Variants in CLEC16A observed in about 807,000 individuals in gnomAD.
The protein encoded by CLEC16A is protein CLEC16A.
A neutral mutation model predicts 109.5 loss-of-function variants in CLEC16A; 51 were observed. The observed-to-expected ratio is 0.47, with a 90% CI of 0.37 to 0.59. The LOEUF is 0.59. CLEC16A is among the 20% of genes least tolerant of loss of function. The pLI is 0.00. For missense variants in CLEC16A, 1,339 were observed against 1,394.0 expected (o/e 0.96, Z 0.63); for synonymous variants, 673 against 564.2 (o/e 1.19, Z -2.73).
intron 3 of CLEC16A, among the ~76,000 whole-genome samples, chr16:10,963,981 C>T (rs2042379459): frequency 6.6e-6 from 1 of 152,224 alleles, no homozygotes; most frequent in African/African-American, 2.4e-5. Context: ...AGACTGCTAG[C>T]TTTGTTATTC....
chr16:11,119,830 C>T (rs145552807), intron 19 of CLEC16A, among the ~76,000 whole-genome samples: 3 of 152,186 alleles, frequency 2.0e-5, no homozygotes, highest in East Asian at 1.9e-4. Flanking sequence ...ATGTGTAGCT[C>T]GCCTTGGGTA....
At chr16:11,139,332 C>CACTT (rs753741533) in intron 22 of CLEC16A, among the ~76,000 whole-genome samples, 10 of 152,230 alleles carry the variant, frequency 6.6e-5, no homozygotes, top group Non-Finnish European at 1.2e-4. Flanking sequence ...CAGCTTTCTA[C>CACTT]ACTTCTTTTC....
At chr16:11,173,014 CG>C (rs1307485798) in intron 23 of CLEC16A, among the ~76,000 whole-genome samples, 2 of 152,114 alleles carry the variant, frequency 1.3e-5, no homozygotes, top group African/African-American at 4.8e-5. Context: ...GGAGCTTCCC[CG>C]GCTTCCCTCC....
chr16:11,095,645 C>T (rs975277616), intron 19 of CLEC16A, among the ~76,000 whole-genome samples: 1 of 152,182 alleles, frequency 6.6e-6, no homozygotes, highest in South Asian at 2.1e-4. Context: ...AACCCCATCT[C>T]TACTAAAAAT....
At chr16:11,071,803 C>G (rs2049089689) in intron 19 of CLEC16A, among the ~76,000 whole-genome samples, 1 of 145,394 alleles carries the variant, frequency 6.9e-6, no homozygotes, top group South Asian at 2.2e-4. Context: ...GCTGTGTTGC[C>G]CAGGCTGGTC....
At chr16:11,088,646 G>C (rs2152958950) in intron 19 of CLEC16A, among the ~76,000 whole-genome samples, 1 of 152,274 alleles carries the variant, frequency 6.6e-6, no homozygotes, top group East Asian at 1.9e-4. Flanking sequence ...TCTCCAGAGA[G>C]GGCTGTGATG....
chr16:11,148,937 C>T (rs1398187292), intron 22 of CLEC16A, among the ~76,000 whole-genome samples: 1 of 152,102 alleles, frequency 6.6e-6, no homozygotes, highest in Non-Finnish European at 1.5e-5. Flanking sequence ...TAGAAGGGCT[C>T]TCATGATTAT....
At chr16:11,033,071 G>C (rs1247242207) in intron 13 of CLEC16A, among the ~76,000 whole-genome samples, 1 of 152,120 alleles carries the variant, frequency 6.6e-6, no homozygotes, top group East Asian at 1.9e-4. Flanking sequence ...ATGTGGATTG[G>C]ATTAGGCTGC....
In CLEC16A at chr16:11,088,973, C is replaced by T. The variant is rs116583070; in HGVS notation, c.2116+27951C>T. Reference sequence around the variant, plus strand: ...AAGTGAAAGTGCCCTGCCATTTCCCCAGCCACCCACAGTACCCCCTTTCCC... The same window carrying T: ...AAGTGAAAGTGCCCTGCCATTTCCCTAGCCACCCACAGTACCCCCTTTCCC... On this transcript the variant is annotated intron_variant, in intron 19 of 23. Transcript: ENST00000409790. Among the ~76,000 whole-genome samples, 504 of 152,320 alleles carry T rather than the reference C, an allele frequency of 3.3e-3. 2 individuals carry two copies. Among genetic ancestry groups the T allele is most frequent in the African/African-American group, 0.012 (486 of 41,572 alleles).
Position 11,020,339 on chromosome 16 carries a change from A to T in CLEC16A, c.1436+14A>T, listed in dbSNP as rs761944553. The T allele has an allele frequency of 3.1e-6, 5 of 1,598,338 alleles. No individual in the cohort carries two copies. The Admixed American group carries it at 8.7e-5, about 28-fold the overall frequency. On this transcript the variant is annotated intron_variant, in intron 12 of 23. Coordinates refer to ENST00000409790, the MANE Select transcript of CLEC16A (RefSeq NM_015226.3). ...GCAATGGAGCAGGTAGCTGCCCGAG[A>T]GGTCGATGCTGAGTGCTCTCTCAGG...
chr16:11,099,428 C>T (rs576309451), intron 19 of CLEC16A, among the ~76,000 whole-genome samples: 1 of 152,310 alleles, frequency 6.6e-6, no homozygotes, highest in East Asian at 1.9e-4. Flanking sequence ...TCGTGGATAG[C>T]AAGACAACGG....
At position 11,178,789 on chromosome 16, in the gene CLEC16A, C is replaced by A; in HGVS notation, c.*99C>A. 1.1e-6 allele frequency: 1 copy of A among 917,510 alleles called. No homozygotes were observed. Among genetic ancestry groups the A allele is most frequent in the Non-Finnish European group, 1.6e-6 (1 of 631,150 alleles). The allele number at this position is 917,510 out of a possible 1,614,324, so 56.8% of individuals were successfully genotyped here. A position where few individuals can be genotyped will look rare whatever the true frequency, so the allele number is the denominator to read the frequency against. The stretch of plus-strand genomic sequence containing the variant: ...CACTGGGAGCACCCACCATTCTGTG[C>A]GGCCCCCAGCAGCCATCTCAACCAC... On this transcript the variant is annotated 3_prime_UTR_variant, in exon 24 of 24. Coordinates refer to ENST00000409790, the MANE Select transcript of CLEC16A (RefSeq NM_015226.3). The surrounding 1 kb of genome is among the most constrained non-coding windows in gnomAD (Gnocchi z 6.5).
At chr16:10,966,202 GAAAAGA>G (rs1029881943) in intron 3 of CLEC16A, among the ~76,000 whole-genome samples, 1 of 152,104 alleles carries the variant, frequency 6.6e-6, no homozygotes, top group Non-Finnish European at 1.5e-5. Context: ...TAGCAAAAAA[GAAAAGA>G]AAAAGGAAAA....
chr16:11,076,146 T>C (rs543998228), intron 19 of CLEC16A, among the ~76,000 whole-genome samples: 16 of 152,116 alleles, frequency 1.1e-4, no homozygotes, highest in Non-Finnish European at 1.9e-4. Context: ...GCCAGTAGAA[T>C]CCTTTTAAAT....
rs2042253917 is a variant in CLEC16A, at chr16:10,961,664, G to A, written c.210-791G>A. On this transcript the variant is annotated intron_variant, in intron 2 of 23. Coordinates refer to ENST00000409790, the MANE Select transcript of CLEC16A (RefSeq NM_015226.3). This position sits in a 1 kb window ranked among gnomAD's most constrained non-coding sequence, Gnocchi z 4.3. ...CAGAAACAGACCTGGGGATGGGTTAGTAGGGTTTCTCCACCACATCAGTAC... is the reference window on the plus strand; with the variant it reads ...CAGAAACAGACCTGGGGATGGGTTAATAGGGTTTCTCCACCACATCAGTAC... 6.6e-6 allele frequency among the ~76,000 whole-genome samples: 1 copy of A among 152,246 alleles called. No individual in the cohort carries two copies. The highest frequency in any genetic ancestry group is 2.4e-5 in the African/African-American group (1 of 41,462).
intron 10 of CLEC16A, among the ~76,000 whole-genome samples, chr16:10,991,643 G>A (rs1213274194): frequency 6.6e-6 from 1 of 152,152 alleles, no homozygotes; most frequent in Non-Finnish European, 1.5e-5. Flanking sequence ...TCGTCTTTGT[G>A]TCCCCATGTC....
intron 19 of CLEC16A, among the ~76,000 whole-genome samples, chr16:11,113,057 C>T (rs1211059568): frequency 6.6e-6 from 1 of 152,270 alleles, no homozygotes; most frequent in Non-Finnish European, 1.5e-5. Context: ...CTGAACTGGA[C>T]ACCAGAGCTC....
At chr16:11,150,169 A>C (rs1023605327) in intron 22 of CLEC16A, 6 of 152,228 alleles carry the variant, frequency 3.9e-5, no homozygotes, top group Non-Finnish European at 7.3e-5. Context: ...CGTAATACCT[A>C]TGTGTGCCCT....
At chr16:11,160,638 C>G (rs41368) in intron 22 of CLEC16A, among the ~76,000 whole-genome samples, 2,247 of 152,278 alleles carry the variant, frequency 0.015, 59 homozygotes, top group African/African-American at 0.052. Context: ...ACTCACATCC[C>G]CGCATTAACA....
Sources: allele counts gnomAD v4.1 joint callset (sites outside exome capture counted in the v4.1 genomes callset), GRCh38; gene constraint gnomAD v4.1.1; non-coding constraint Gnocchi (gnomAD v3.1); transcripts MANE v1.5; gene names NCBI Gene and HGNC (gene_info 2026-07-23, HGNC 2026-07-21).